The following PFKFB3 variants were observed in gnomAD, a reference collection of about 807,000 sequenced individuals.
PFKFB3 encodes the protein 6-phosphofructo-2-kinase/fructose-2,6-biphosphatase 3.
Under a neutral mutation model 68.0 loss-of-function variants are expected in PFKFB3, and 33 were observed. The ratio of observed to expected loss-of-function variants is 0.49; its 90% CI spans 0.37 to 0.65. The LOEUF (loss-of-function observed/expected upper bound fraction) is 0.65, where lower values mean the gene tolerates loss of function less well. Among genes scored for constraint, PFKFB3 ranks in the 30% least tolerant of loss-of-function variants. The pLI is 0.00. For missense variants in PFKFB3, 586 were observed against 712.2 expected (o/e 0.82, Z 2.02); for synonymous variants, 315 against 288.2 (o/e 1.09, Z -0.94).
chr10:6,226,568 C>T, intron 14 of PFKFB3: 1 of 564,854 alleles, frequency 1.8e-6, no homozygotes, highest in South Asian at 2.2e-5. Flanking sequence ...ATAGGAAGCA[C>T]CCTCCGAAGT....
the PFKFB3 span, among the ~76,000 whole-genome samples, chr10:6,272,650 G>A: frequency 3.3e-5 from 5 of 152,030 alleles, no homozygotes; most frequent in South Asian, 2.1e-4. Flanking sequence ...AGCCCAGATC[G>A]TGCCATTGAA....
chr10:6,319,012 C>T, the PFKFB3 span, among the ~76,000 whole-genome samples: 2 of 152,270 alleles, frequency 1.3e-5, no homozygotes, highest in African/African-American at 4.8e-5. Context: ...GTGTCTGATA[C>T]TTTGTGGACC....
chr10:6,187,572 G>A lies in PFKFB3; in HGVS notation c.17-26051G>A, dbSNP rs894516406. 3.3e-5 allele frequency among the ~76,000 whole-genome samples: 5 copies of A among 152,256 alleles called. No individual in the cohort carries two copies. The East Asian group carries it at 5.8e-4, about 18-fold the overall frequency. ...TCATTTCACGTTGGGCAGGTCTTTC[G>A]TTGTCAGCAAATGGAAAGTCAAATT... On this transcript the variant is annotated intron_variant, in intron 1 of 14. Coordinates refer to the PFKFB3 transcript ENST00000379789.
chr10:6,281,201 C>G, the PFKFB3 span, among the ~76,000 whole-genome samples: 2 of 78,224 alleles, frequency 2.6e-5, no homozygotes, highest in Non-Finnish European at 6.9e-5. Context: ...GTTTCTTTAT[C>G]CACTCATTGA....
Position 6,215,169 on chromosome 10 carries a change from TG to T in PFKFB3, c.203-50del. On this transcript the variant is annotated intron_variant, in intron 2 of 14. Coordinates refer to ENST00000379775, the MANE Select transcript of PFKFB3 (RefSeq NM_004566.4). This position sits in a 1 kb window ranked among gnomAD's most constrained non-coding sequence, Gnocchi z 4.3. Reference sequence around the variant, plus strand: ...TCGATCCTATGGTCCCGGTGTGAGCTGGCCCCTTCCTCCTGCTCGATCATCC... The same window carrying T: ...TCGATCCTATGGTCCCGGTGTGAGCTGCCCCTTCCTCCTGCTCGATCATCC... The T allele has an allele frequency of 6.8e-7, 1 of 1,472,116 alleles. No homozygotes were observed. The highest frequency in any genetic ancestry group is 9.5e-7 in the Non-Finnish European group (1 of 1,052,024). The allele number at this position is 1,472,116 out of a possible 1,614,324, so 91.2% of individuals were successfully genotyped here.
chr10:6,297,277 C>A, the PFKFB3 span, among the ~76,000 whole-genome samples: 137,317 of 152,242 alleles, frequency 0.9, 63,665 homozygotes, highest in East Asian at 1. Context: ...TGGCTTTCAT[C>A]GGAGAAGCAA....
At chr10:6,210,384 G>T in intron 1 of PFKFB3, among the ~76,000 whole-genome samples, 1 of 73,692 alleles carries the variant, frequency 1.4e-5, no homozygotes, top group East Asian at 3.2e-4. Context: ...TTTTTGAGAC[G>T]AAGTTTCGCT....
At chr10:6,145,936 C>G (rs905795412) in intron 1 of PFKFB3, among the ~76,000 whole-genome samples, 1 of 152,242 alleles carries the variant, frequency 6.6e-6, no homozygotes, top group East Asian at 1.9e-4. Flanking sequence ...GGGCCCCTCT[C>G]AGCTCAAAGA....
At chr10:6,197,558 C>G (rs1340894848) in intron 1 of PFKFB3, 1 of 152,148 alleles carries the variant, frequency 6.6e-6, no homozygotes, top group Non-Finnish European at 1.5e-5. Context: ...TTTTGCTTGA[C>G]CAATAAATTA....
the PFKFB3 span, among the ~76,000 whole-genome samples, chr10:6,273,168 G>A: frequency 6.6e-6 from 1 of 151,870 alleles, no homozygotes; most frequent in Non-Finnish European, 1.5e-5. Flanking sequence ...CACCACGTGC[G>A]GCTAATTTTT....
intron 10 of PFKFB3, among the ~76,000 whole-genome samples, chr10:6,222,510 C>G (rs1588518327): frequency 6.6e-6 from 1 of 152,232 alleles, no homozygotes; most frequent in East Asian, 1.9e-4. Context: ...TCCCGCCTGC[C>G]CGGCCCAGCC....
chr10:6,161,685 T>G (rs1268886394), intron 1 of PFKFB3, among the ~76,000 whole-genome samples: 1 of 151,308 alleles, frequency 6.6e-6, no homozygotes, highest in Non-Finnish European at 1.5e-5. Context: ...CAGGCTGGAG[T>G]GCAGTGGTGC....
At chr10:6,155,664 C>T (rs1020945669) in intron 1 of PFKFB3, among the ~76,000 whole-genome samples, 5 of 152,136 alleles carry the variant, frequency 3.3e-5, no homozygotes, top group Admixed American at 1.3e-4. Flanking sequence ...CACCCAGGCA[C>T]CTGCTGACCG....
intron 1 of PFKFB3, among the ~76,000 whole-genome samples, chr10:6,211,915 G>A (rs375763755): frequency 5.9e-5 from 9 of 152,336 alleles, no homozygotes; most frequent in Admixed American, 3.3e-4. Context: ...CAGGCCTAGC[G>A]GCAGATCCTG....
the PFKFB3 span, among the ~76,000 whole-genome samples, chr10:6,262,269 A>G: frequency 2.2e-3 from 334 of 151,836 alleles, 2 homozygotes; most frequent in Middle Eastern, 6.8e-3. Context: ...CCTGGCTAAC[A>G]TGGTGAAACC....
chr10:6,231,009 C>G (rs544553660), intron 14 of PFKFB3, among the ~76,000 whole-genome samples: 13 of 152,262 alleles, frequency 8.5e-5, no homozygotes, highest in Non-Finnish European at 1.9e-4. Context: ...AGCCACCACG[C>G]CCAGCCTAGA....
Position 6,220,528 on chromosome 10 carries a change from G to C in PFKFB3, c.624-130G>C. Reference sequence around the variant, plus strand: ...ATGCTCTGCCCCTTAGAAGGATTCAGTCTGTGCCCTGGAGGGGCCTACGGT... The same window carrying C: ...ATGCTCTGCCCCTTAGAAGGATTCACTCTGTGCCCTGGAGGGGCCTACGGT... On this transcript the variant is annotated intron_variant, in intron 7 of 14. Coordinates refer to ENST00000379775, the MANE Select transcript of PFKFB3 (RefSeq NM_004566.4). This position sits in a 1 kb window ranked among gnomAD's most constrained non-coding sequence, Gnocchi z 4.1. 1 of 755,274 alleles carries C rather than the reference G, an allele frequency of 1.3e-6. No individual in the cohort carries two copies. 46.8% of individuals were successfully genotyped at this position (755,274 alleles called of 1,614,324 possible). A position where few individuals can be genotyped will look rare whatever the true frequency, so the allele number is the denominator to read the frequency against.
At position 6,203,037 on chromosome 10, in the gene PFKFB3, G is replaced by A. The variant is rs971536042; in HGVS notation, c.-224G>A. On this transcript the variant is annotated 5_prime_UTR_variant, in exon 1 of 15. Coordinates refer to ENST00000379775, the MANE Select transcript of PFKFB3 (RefSeq NM_004566.4). ...TCCGAGCGGACGAGCCGGCCGTGCC[G>A]GGCATCCCCAGCCTCGCTACCCTCG... 15 of 1,375,630 alleles carry A rather than the reference G, an allele frequency of 1.1e-5. No individual in the cohort carries two copies. The highest frequency in any genetic ancestry group is 4.6e-5 in the African/African-American group (3 of 64,830). The allele number at this position is 1,375,630 out of a possible 1,614,324, so 85.2% of individuals were successfully genotyped here.
At chr10:6,190,336 A>G (rs1017508193) in intron 1 of PFKFB3, among the ~76,000 whole-genome samples, 17 of 152,254 alleles carry the variant, frequency 1.1e-4, no homozygotes, top group South Asian at 6.2e-4. Context: ...GATGACCTAC[A>G]GATTCCGTCG....
Sources: allele counts gnomAD v4.1 joint callset (sites outside exome capture counted in the v4.1 genomes callset), GRCh38; gene constraint gnomAD v4.1.1; non-coding constraint Gnocchi (gnomAD v3.1); transcripts MANE v1.5; gene names NCBI Gene and HGNC (gene_info 2026-07-23, HGNC 2026-07-21).